PDE10A: variants seen among roughly 807,000 people sequenced by gnomAD.
The protein encoded by PDE10A is phosphodiesterase 10A, also known as cAMP and cAMP-inhibited cGMP 3',5'-cyclic phosphodiesterase 10A.
PDE10A carries 39 observed loss-of-function variants against 97.7 expected under a neutral mutation model. The observed-to-expected ratio is 0.40, with a 90% CI of 0.31 to 0.52. The LOEUF is 0.52. Ranked by LOEUF, PDE10A falls within the 20% of genes least tolerant of loss-of-function variation. The pLI is 0.56. For synonymous variants in PDE10A, 371 were observed against 376.8 expected (o/e 0.98, Z 0.18); for missense variants, 731 against 1,047.8 (o/e 0.70, Z 4.17).
intron 1 of PDE10A, among the ~76,000 whole-genome samples, chr6:165,589,559 A>C (rs1786125993): frequency 6.6e-6 from 1 of 152,180 alleles, no homozygotes; most frequent in Admixed American, 6.5e-5. Context: ...TTGGGAGTAC[A>C]TAGGTATTCA....
At chr6:165,392,581 C>T in intron 16 of PDE10A, 65 bp downstream of exon 16, 2 of 1,464,368 alleles carry the variant, frequency 1.4e-6, no homozygotes, top group South Asian at 1.2e-5. Flanking sequence ...CATCAATGTG[C>T]TCCTGACACA....
At chr6:165,911,660 T>C (rs1326845145) in intron 1 of PDE10A, among the ~76,000 whole-genome samples, 1 of 152,234 alleles carries the variant, frequency 6.6e-6, no homozygotes, top group African/African-American at 2.4e-5. Flanking sequence ...CATCAGCATT[T>C]CTGCATTTCA....
At chr6:165,541,859 T>C (rs1480091673) in intron 2 of PDE10A, among the ~76,000 whole-genome samples, 3 of 152,136 alleles carry the variant, frequency 2.0e-5, no homozygotes, top group African/African-American at 4.8e-5. Context: ...TACAAACACA[T>C]TCACATACAC....
rs368442047 is a variant in PDE10A, at chr6:165,435,879, A to G, written c.1195-502T>C. Among the ~76,000 whole-genome samples, 17 of 152,332 alleles carry G rather than the reference A, an allele frequency of 1.1e-4. No homozygotes were observed. In the East Asian group the frequency reaches 3.3e-3, roughly 29 times the overall value. ...TCACATTACTTCGACTGGCTAGTTT[A>G]TAAAATTGCAGATTCAGAATACTCT... On this transcript the variant is annotated intron_variant, in intron 5 of 21. Transcript: ENST00000539869.
chr6:165,856,319 C>T (rs1780730896), intron 1 of PDE10A, among the ~76,000 whole-genome samples: 1 of 152,180 alleles, frequency 6.6e-6, no homozygotes, highest in African/African-American at 2.4e-5. Context: ...GCCGCACCAC[C>T]CCCTGCCTGA....
chr6:165,961,570 A>C (rs1225557684), intron 1 of PDE10A, among the ~76,000 whole-genome samples: 1 of 152,168 alleles, frequency 6.6e-6, no homozygotes, highest in Non-Finnish European at 1.5e-5. Context: ...ACAAGCCTCC[A>C]CTTACCCCTT....
intron 1 of PDE10A, among the ~76,000 whole-genome samples, chr6:165,938,416 C>G (rs927659683): frequency 3.3e-5 from 5 of 152,316 alleles, no homozygotes; most frequent in African/African-American, 1.2e-4. Context: ...CTGTTTATAG[C>G]TTATCCATGT....
At chr6:165,680,999 G>A (rs1002335969) in intron 1 of PDE10A, among the ~76,000 whole-genome samples, 1 of 152,178 alleles carries the variant, frequency 6.6e-6, no homozygotes, top group Non-Finnish European at 1.5e-5. Context: ...TCTTTACATT[G>A]CTGAAGAGCC....
chr6:165,873,165 C>A (rs559536820), intron 1 of PDE10A, among the ~76,000 whole-genome samples: 2 of 152,302 alleles, frequency 1.3e-5, no homozygotes, highest in Non-Finnish European at 2.9e-5. Context: ...TGTGCTGAGG[C>A]ATGAGTCTCC....
At chr6:165,357,417 AAGGT>A (rs1783095293) in intron 18 of PDE10A, among the ~76,000 whole-genome samples, 1 of 152,154 alleles carries the variant, frequency 6.6e-6, no homozygotes, top group South Asian at 2.1e-4. Flanking sequence ...TTCATAAAAT[AAGGT>A]AGGAAATGGT....
intron 1 of PDE10A, among the ~76,000 whole-genome samples, chr6:165,700,030 C>G (rs1791530487): frequency 6.6e-6 from 1 of 151,978 alleles, no homozygotes; most frequent in Non-Finnish European, 1.5e-5. Flanking sequence ...AATAATGAAA[C>G]AAAACACTGG....
intron 16 of PDE10A, among the ~76,000 whole-genome samples, chr6:165,389,540 G>C (rs1279257818): frequency 6.6e-6 from 1 of 152,202 alleles, no homozygotes; most frequent in East Asian, 1.9e-4. Flanking sequence ...ACCATCAACT[G>C]ATATGGAAGG....
chr6:165,557,198 T>C (rs2128334788), intron 1 of PDE10A, among the ~76,000 whole-genome samples: 1 of 152,226 alleles, frequency 6.6e-6, no homozygotes, highest in South Asian at 2.1e-4. Flanking sequence ...ATCCACTGTC[T>C]TGAGAGAGAT....
chr6:165,539,927 A>AAATCAATC (rs56664263), intron 2 of PDE10A, among the ~76,000 whole-genome samples: 4 of 151,626 alleles, frequency 2.6e-5, no homozygotes, highest in African/African-American at 9.7e-5. Context: ...CTTTGCTCAA[A>AAATCAATC]AATCAATCAA....
chr6:165,927,272 G>A (rs1251414409), intron 1 of PDE10A, among the ~76,000 whole-genome samples: 1 of 152,264 alleles, frequency 6.6e-6, no homozygotes, highest in African/African-American at 2.4e-5. Context: ...TAAGAAAATA[G>A]TGAAGTATGG....
chr6:165,352,983 C>T (rs1412229451), intron 18 of PDE10A, among the ~76,000 whole-genome samples: 1 of 152,050 alleles, frequency 6.6e-6, no homozygotes, highest in Non-Finnish European at 1.5e-5. Flanking sequence ...AAAGAACCCT[C>T]AAAATTCAAC....
intron 2 of PDE10A, among the ~76,000 whole-genome samples, chr6:165,490,914 C>G (rs1211999391): frequency 6.6e-6 from 1 of 152,154 alleles, no homozygotes; most frequent in African/African-American, 2.4e-5. Flanking sequence ...AAGATCACAC[C>G]ACTGAACTCC....
At chr6:165,459,458 A>G (rs543784341) in intron 3 of PDE10A, among the ~76,000 whole-genome samples, 29 of 152,226 alleles carry the variant, frequency 1.9e-4, no homozygotes, top group African/African-American at 6.3e-4. Flanking sequence ...AGTTGAAGCT[A>G]TATCACACTG....
intron 2 of PDE10A, among the ~76,000 whole-genome samples, chr6:165,524,042 C>T (rs1055757613): frequency 1.3e-5 from 2 of 152,188 alleles, no homozygotes; most frequent in Non-Finnish European, 2.9e-5. Context: ...TTCCAGCCTA[C>T]ATCTTTCTCC....
Sources: allele counts gnomAD v4.1 joint callset (sites outside exome capture counted in the v4.1 genomes callset), GRCh38; gene constraint gnomAD v4.1.1; transcripts MANE v1.5; gene names NCBI Gene and HGNC (gene_info 2026-07-23, HGNC 2026-07-21).